The following CA10 variants were observed in gnomAD, a reference collection of about 807,000 sequenced individuals.
CA10 encodes the protein carbonic anhydrase 10 (inactive).
In CA10, 14 loss-of-function variants were observed where a neutral mutation model predicts 44.2. That is an observed-to-expected ratio of 0.32 (90% CI 0.21 to 0.50). The LOEUF is 0.50. CA10 is among the 20% of genes least tolerant of loss of function. The probability of loss-of-function intolerance (pLI) is 0.99; values close to 1 mark genes in which losing one functional copy is unlikely to be tolerated. For synonymous variants in CA10, 159 were observed against 141.6 expected, an observed-to-expected ratio of 1.12 and a Z score of -0.87; for missense variants, 350 against 409.7, an observed-to-expected ratio of 0.85 and a Z score of 1.26.
chr17:51,852,236 A>G (rs1054894974), intron 3 of CA10, among the ~76,000 whole-genome samples: 9 of 152,156 alleles, frequency 5.9e-5, no homozygotes, highest in African/African-American at 2.2e-4. Context: ...CTCAGTCATG[A>G]CCACAGCCCA....
chr17:51,908,742 A>G (rs1567881035), intron 3 of CA10, among the ~76,000 whole-genome samples: 1 of 152,206 alleles, frequency 6.6e-6, no homozygotes, highest in Non-Finnish European at 1.5e-5. Context: ...ATAAGGAATG[A>G]TGCTATATCT....
At chr17:52,007,798 T>A (rs1985652504) in intron 2 of CA10, among the ~76,000 whole-genome samples, 1 of 151,530 alleles carries the variant, frequency 6.6e-6, no homozygotes, top group South Asian at 2.1e-4. Flanking sequence ...TGAAACAGTT[T>A]GGACTATATA....
intron 1 of CA10, among the ~76,000 whole-genome samples, chr17:52,128,462 C>A (rs2143339855): frequency 6.6e-6 from 1 of 152,284 alleles, no homozygotes; most frequent in East Asian, 1.9e-4. Context: ...CTGAATCTGA[C>A]AATGGCCTTC....
At chr17:51,744,501 T>TG (rs199518098) in intron 4 of CA10, among the ~76,000 whole-genome samples, 2,568 of 151,886 alleles carry the variant, frequency 0.017, 82 homozygotes, top group African/African-American at 0.058. Flanking sequence ...TAGCACTTTG[T>TG]GGGGGGGCCA....
intron 1 of CA10, among the ~76,000 whole-genome samples, chr17:52,082,573 A>C (rs1293253822): frequency 6.6e-6 from 1 of 152,154 alleles, no homozygotes; most frequent in Non-Finnish European, 1.5e-5. Context: ...ATCCTCTTTT[A>C]GACCTTTCTT....
intron 2 of CA10, among the ~76,000 whole-genome samples, chr17:52,059,487 G>A (rs1005954339): frequency 1.3e-5 from 2 of 151,942 alleles, no homozygotes; most frequent in African/African-American, 2.4e-5. Flanking sequence ...AAGTCCGGGG[G>A]CACAAAATAC....
rs537802064 is a variant in CA10, at chr17:51,782,837, C to T, written c.280-35019G>A. Among the ~76,000 whole-genome samples, 10 of 152,244 alleles carry T rather than the reference C, an allele frequency of 6.6e-5. No homozygotes were observed. The South Asian group carries it at 1.5e-3, about 22-fold the overall frequency. On this transcript the variant is annotated intron_variant, in intron 3 of 8. Transcript: ENST00000451037. ...GGTGGCTTGGCAGACATCAGCTTGA[C>T]CCAGCAGTGGTAGAGCAGTGATGGT...
intron 1 of CA10, among the ~76,000 whole-genome samples, chr17:52,118,737 G>A (rs1353801671): frequency 6.6e-6 from 1 of 152,092 alleles, no homozygotes; most frequent in Admixed American, 6.5e-5. Context: ...GATTAAGGTT[G>A]ATATTATGTT....
intron 3 of CA10, among the ~76,000 whole-genome samples, chr17:51,830,527 G>C (rs956901250): frequency 2.0e-5 from 3 of 152,108 alleles, no homozygotes; most frequent in Non-Finnish European, 2.9e-5. Flanking sequence ...TTTATGATCA[G>C]TTGATGCCAG....
At chr17:52,131,593 A>G (rs558984892) in intron 1 of CA10, among the ~76,000 whole-genome samples, 7 of 152,330 alleles carry the variant, frequency 4.6e-5, no homozygotes, top group Non-Finnish European at 8.8e-5. Context: ...GTTTAACACA[A>G]AAACAGAAGA....
At chr17:51,860,344 G>T (rs959793873) in intron 3 of CA10, among the ~76,000 whole-genome samples, 1 of 152,190 alleles carries the variant, frequency 6.6e-6, no homozygotes, top group Non-Finnish European at 1.5e-5. Context: ...AAGTCTTAAG[G>T]CTTTATTTTC....
intron 2 of CA10, among the ~76,000 whole-genome samples, chr17:52,009,483 G>T (rs1488035611): frequency 6.6e-6 from 1 of 151,932 alleles, no homozygotes; most frequent in South Asian, 2.1e-4. Flanking sequence ...GTGTCACCTG[G>T]AGAGCAGATG....
chr17:51,893,588 C>T (rs988167050), intron 3 of CA10, among the ~76,000 whole-genome samples: 2 of 152,106 alleles, frequency 1.3e-5, no homozygotes, highest in African/African-American at 4.8e-5. Context: ...CTTCTCTAGC[C>T]AACTACTGAG....
At chr17:51,633,422 C>T (rs1912676957) in intron 8 of CA10, 54 bp downstream of exon 8, 4 of 1,533,878 alleles carry the variant, frequency 2.6e-6, no homozygotes, top group Non-Finnish European at 3.5e-6. Context: ...CAGGTCTAAG[C>T]AGAAAGACTG....
chr17:51,679,220 G>A (rs1297087970), intron 4 of CA10, among the ~76,000 whole-genome samples: 2 of 150,578 alleles, frequency 1.3e-5, no homozygotes, highest in East Asian at 3.9e-4. Context: ...GGCAGATTCT[G>A]ATTCATTATG....
intron 2 of CA10, among the ~76,000 whole-genome samples, chr17:52,028,851 G>C (rs921149863): frequency 6.6e-6 from 1 of 152,290 alleles, no homozygotes. Context: ...AGGACTTTTA[G>C]GGCCATGAAG....
At chr17:51,951,507 A>C (rs1983481582) in intron 2 of CA10, among the ~76,000 whole-genome samples, 1 of 152,128 alleles carries the variant, frequency 6.6e-6, no homozygotes, top group Non-Finnish European at 1.5e-5. Flanking sequence ...CAGACTTAAC[A>C]ATCATCTTTG....
At chr17:52,122,936 G>T (rs1434576378) in intron 1 of CA10, among the ~76,000 whole-genome samples, 1 of 152,066 alleles carries the variant, frequency 6.6e-6, no homozygotes, top group African/African-American at 2.4e-5. Flanking sequence ...CTGTAACCAG[G>T]GCTTGTGTTT....
intron 3 of CA10, among the ~76,000 whole-genome samples, chr17:51,875,574 T>C (rs747601578): frequency 2.0e-5 from 3 of 152,236 alleles, no homozygotes; most frequent in Non-Finnish European, 4.4e-5. Context: ...TTCTTTATAC[T>C]GCACCCCAAT....
Sources: allele counts gnomAD v4.1 joint callset (sites outside exome capture counted in the v4.1 genomes callset), GRCh38; gene constraint gnomAD v4.1.1; transcripts MANE v1.5; gene names NCBI Gene and HGNC (gene_info 2026-07-23, HGNC 2026-07-21).